Variants in ASTN2 observed in about 807,000 individuals in gnomAD.
The protein encoded by ASTN2 is astrotactin 2.
Under a neutral mutation model 139.8 loss-of-function variants are expected in ASTN2, and 54 were observed. The observed-to-expected ratio is 0.39, with a 90% CI of 0.31 to 0.48. The LOEUF (loss-of-function observed/expected upper bound fraction) is 0.48, where lower values mean the gene tolerates loss of function less well. ASTN2 is among the 20% of genes least tolerant of loss of function. ASTN2 has a pLI of 0.95. For synonymous variants in ASTN2, 756 were observed against 719.5 expected, an observed-to-expected ratio of 1.05 and a Z score of -0.81; for missense variants, 1,565 against 1,725.1, an observed-to-expected ratio of 0.91 and a Z score of 1.64.
intron 3 of ASTN2, among the ~76,000 whole-genome samples, chr9:117,179,491 T>C (rs980992665): frequency 3.9e-5 from 6 of 152,270 alleles, no homozygotes; most frequent in Middle Eastern, 3.4e-3. Flanking sequence ...ACCATCCTAA[T>C]AGGAGACCCC....
rs192292974 is a variant in ASTN2 at position 116,475,748 on chromosome 9, T to C, written c.3497+11611A>G. On this transcript the variant is annotated intron_variant, in intron 20 of 22. Coordinates refer to ENST00000313400, the MANE Select transcript of ASTN2 (RefSeq NM_001365068.1). ...TGGCCTTCCCCTTGCAAGTCAACTC[T>C]TTCCTGCAGCAATGAAGCTCATTCA... Among the ~76,000 whole-genome samples, 224 of 152,300 alleles carry C rather than the reference T, an allele frequency of 1.5e-3. 2 individuals carry two copies. In the Middle Eastern group the frequency reaches 0.02, roughly 14 times the overall value.
chr9:117,180,247 G>A (rs1003488984), intron 3 of ASTN2, among the ~76,000 whole-genome samples: 3 of 152,152 alleles, frequency 2.0e-5, no homozygotes, highest in South Asian at 2.1e-4. Context: ...GCTCCCTGGG[G>A]CCTCCCAGAT....
At chr9:117,023,594 G>T (rs1837959803) in intron 6 of ASTN2, among the ~76,000 whole-genome samples, 1 of 152,112 alleles carries the variant, frequency 6.6e-6, no homozygotes, top group Admixed American at 6.6e-5. Flanking sequence ...CTCCTGCTGA[G>T]AATGAAAGCA....
chr9:117,278,018 A>C (rs1471046047), intron 2 of ASTN2, among the ~76,000 whole-genome samples: 1 of 152,218 alleles, frequency 6.6e-6, no homozygotes, highest in Non-Finnish European at 1.5e-5. Flanking sequence ...AGCAATTTAC[A>C]GGGGGTAAAA....
intron 10 of ASTN2, among the ~76,000 whole-genome samples, chr9:116,897,272 C>T (rs1006623845): frequency 5.9e-5 from 9 of 152,332 alleles, no homozygotes; most frequent in African/African-American, 1.7e-4. Flanking sequence ...TGCTCTGTGA[C>T]GATTGTCAAG....
chr9:116,432,589 C>T (rs556464211), intron 22 of ASTN2, among the ~76,000 whole-genome samples: 9 of 152,260 alleles, frequency 5.9e-5, no homozygotes, highest in Non-Finnish European at 1.3e-4. Flanking sequence ...GCTTCTTGGA[C>T]AGTGTAGGTT....
At chr9:117,046,706 T>G (rs1386666930) in intron 5 of ASTN2, among the ~76,000 whole-genome samples, 1 of 152,174 alleles carries the variant, frequency 6.6e-6, no homozygotes, top group African/African-American at 2.4e-5. Context: ...AATTGGGAAT[T>G]AGTTCATCCA....
chr9:116,777,957 C>T (rs1830126004), intron 13 of ASTN2, among the ~76,000 whole-genome samples: 1 of 152,106 alleles, frequency 6.6e-6, no homozygotes, highest in Non-Finnish European at 1.5e-5. Context: ...ATTCTCCCGC[C>T]TCAGCCTCCC....
chr9:116,807,277 G>A (rs1395468567), intron 12 of ASTN2, among the ~76,000 whole-genome samples: 10 of 152,174 alleles, frequency 6.6e-5, no homozygotes, highest in Non-Finnish European at 1.2e-4. Context: ...ACAGGTTGTG[G>A]GAACCAGTAG....
intron 2 of ASTN2, among the ~76,000 whole-genome samples, chr9:117,272,403 G>T (rs1029982411): frequency 6.6e-5 from 10 of 152,226 alleles, no homozygotes; most frequent in African/African-American, 7.2e-5. Context: ...CTGCTGTGAA[G>T]GTCTCTGGCA....
At chr9:116,620,880 GTCT>G (rs1396003002) in intron 17 of ASTN2, among the ~76,000 whole-genome samples, 2 of 152,202 alleles carry the variant, frequency 1.3e-5, no homozygotes, top group African/African-American at 4.8e-5. Context: ...TCCAAAGCCT[GTCT>G]TCTTATTAAA....
intron 5 of ASTN2, among the ~76,000 whole-genome samples, chr9:117,066,376 C>T (rs887617250): frequency 7.4e-5 from 11 of 148,678 alleles, no homozygotes; most frequent in Admixed American, 6.6e-5. Flanking sequence ...GCATAGTATT[C>T]CATGGTGTAT....
Position 116,698,886 on chromosome 9 carries a change from C to G in ASTN2, c.2806+26885G>C. ...TCCAGTCAGTCTCTACGTGACCAGT[C>G]AAGGTGAAGTACTAGTCGCTGACCG... On this transcript the variant is annotated intron_variant, in intron 16 of 22. Transcript: ENST00000313400. This position sits in a 1 kb window ranked among gnomAD's most constrained non-coding sequence, Gnocchi z 4.4. 1.1e-5 allele frequency: 17 copies of G among 1,614,204 alleles called. No individual in the cohort carries two copies. Among genetic ancestry groups the G allele is most frequent in the Non-Finnish European group, 1.4e-5 (17 of 1,180,046 alleles).
intron 16 of ASTN2, chr9:116,700,384 T>C (rs1861112463): frequency 6.0e-6 from 1 of 167,360 alleles, no homozygotes; most frequent in Non-Finnish European, 1.5e-5. Flanking sequence ...TGGTTGGTAT[T>C]GATGACTTCA....
At chr9:116,528,495 T>C (rs1292945277) in intron 19 of ASTN2, among the ~76,000 whole-genome samples, 24 of 152,184 alleles carry the variant, frequency 1.6e-4, no homozygotes, top group Non-Finnish European at 8.8e-5. Flanking sequence ...GCATAAAAGT[T>C]TGGAAAATTT....
At chr9:116,975,976 G>A (rs1488440218) in intron 9 of ASTN2, 138 bp downstream of exon 9, 3 of 741,134 alleles carry the variant, frequency 4.0e-6, no homozygotes, top group African/African-American at 3.5e-5. Flanking sequence ...TGGTACATTA[G>A]TGCCAGGGAG....
intron 19 of ASTN2, among the ~76,000 whole-genome samples, chr9:116,519,142 C>A (rs1392675562): frequency 6.6e-6 from 1 of 151,464 alleles, no homozygotes; most frequent in African/African-American, 2.4e-5. Context: ...AAAACTATAC[C>A]CTAAAACAAA....
intron 7 of ASTN2, among the ~76,000 whole-genome samples, chr9:116,996,788 T>C (rs1162214706): frequency 6.6e-6 from 1 of 152,160 alleles, no homozygotes; most frequent in East Asian, 1.9e-4. Context: ...CATACATTTG[T>C]TTATTGATAA....
chr9:117,199,217 C>A (rs1374542157), intron 3 of ASTN2, among the ~76,000 whole-genome samples: 1 of 152,136 alleles, frequency 6.6e-6, no homozygotes, highest in Non-Finnish European at 1.5e-5. Flanking sequence ...ATGCCTATAT[C>A]CTGAATGGTA....
Sources: gnomAD v4.1 joint callset for allele counts (sites outside exome capture counted in the v4.1 genomes callset) on GRCh38, gnomAD v4.1.1 for gene constraint, Gnocchi (gnomAD v3.1) non-coding constraint, MANE v1.5 for transcripts, NCBI Gene and HGNC (gene_info 2026-07-23, HGNC 2026-07-21) for gene names.